The following ERG variants were observed in gnomAD, a reference collection of about 807,000 sequenced individuals.
ERG encodes the protein ETS transcription factor ERG.
In ERG, 9 loss-of-function variants were observed where a neutral mutation model predicts 55.3. The observed-to-expected ratio is 0.16, with a 90% CI of 0.10 to 0.28. The LOEUF (loss-of-function observed/expected upper bound fraction) is 0.28. Among genes scored for constraint, ERG ranks in the 10% least tolerant of loss-of-function variants. The pLI, the probability that ERG is intolerant of heterozygous loss-of-function variation, is 1.00. For missense variants in ERG, 434 were observed against 631.6 expected (o/e 0.69, Z 3.35); for synonymous variants, 223 against 237.3 (o/e 0.94, Z 0.55).
At chr21:38,601,661 C>T (rs1211261235) in intron 1 of ERG, among the ~76,000 whole-genome samples, 3 of 152,130 alleles carry the variant, frequency 2.0e-5, no homozygotes, top group African/African-American at 7.2e-5. Context: ...TGTTACACTC[C>T]AAGCACTCAC....
chr21:38,640,352 G>A (rs755301488), intron 1 of ERG, among the ~76,000 whole-genome samples: 4 of 152,136 alleles, frequency 2.6e-5, no homozygotes, highest in Non-Finnish European at 5.9e-5. Flanking sequence ...AGGAGATGGG[G>A]GAAGGGGGCA....
chr21:38,488,716 T>G lies in ERG; in HGVS notation c.18+9647A>C, dbSNP rs543463836. Among the ~76,000 whole-genome samples, 427 of 152,330 alleles carry G rather than the reference T, an allele frequency of 2.8e-3. 2 individuals are homozygous for G. The highest frequency in any genetic ancestry group is 9.7e-3 in the African/African-American group (403 of 41,564). On this transcript the variant is annotated intron_variant, in intron 1 of 9. Coordinates refer to ENST00000288319, the MANE Select transcript of ERG (RefSeq NM_182918.4). The stretch of plus-strand genomic sequence containing the variant: ...TTTCAACTAACCATAGAAAAGGCCT[T>G]CCATTGAATCTCAAAGAGACTTATT...
intron 2 of ERG, among the ~76,000 whole-genome samples, chr21:38,441,365 G>A (rs973934701): frequency 2.0e-5 from 3 of 152,110 alleles, no homozygotes; most frequent in Non-Finnish European, 2.9e-5. Context: ...AGTGGGCCTT[G>A]TCTAATCAGT....
At chr21:38,564,250 C>T (rs1174508438) in intron 2 of ERG, among the ~76,000 whole-genome samples, 1 of 151,648 alleles carries the variant, frequency 6.6e-6, no homozygotes, top group Non-Finnish European at 1.5e-5. Flanking sequence ...ATCTATTAAA[C>T]AAGCTATACA....
intron 1 of ERG, among the ~76,000 whole-genome samples, chr21:38,595,538 C>T (rs1057401351): frequency 2.0e-5 from 3 of 152,128 alleles, no homozygotes; most frequent in African/African-American, 7.2e-5. Flanking sequence ...AATGGAAGCC[C>T]GGGAGCTCTG....
At chr21:38,614,747 T>C (rs1226540400) in intron 1 of ERG, among the ~76,000 whole-genome samples, 1 of 152,200 alleles carries the variant, frequency 6.6e-6, no homozygotes, top group Non-Finnish European at 1.5e-5. Context: ...GGAAGGCCAA[T>C]TTATCTGATC....
intron 2 of ERG, among the ~76,000 whole-genome samples, chr21:38,431,033 A>G (rs1990181894): frequency 6.6e-6 from 1 of 152,234 alleles, no homozygotes; most frequent in African/African-American, 2.4e-5. Flanking sequence ...TGGCTTGTTG[A>G]GCTTCAAACA....
At chr21:38,545,642 G>A (rs565341737) in intron 2 of ERG, among the ~76,000 whole-genome samples, 1 of 152,332 alleles carries the variant, frequency 6.6e-6, no homozygotes, top group East Asian at 1.9e-4. Context: ...AATTGAGTCA[G>A]TACGGTGCTA....
chr21:38,447,468 A>G (rs2058902620), intron 1 of ERG, among the ~76,000 whole-genome samples: 1 of 149,560 alleles, frequency 6.7e-6, no homozygotes, highest in Non-Finnish European at 1.5e-5. Context: ...GCAAAATCAA[A>G]CTCATCAACA....
Position 38,381,786 on chromosome 21 carries a change from A to T in ERG, c.*1617T>A, listed in dbSNP as rs1987449275. 1 of 1,063,432 alleles carries T rather than the reference A, an allele frequency of 9.4e-7. No homozygotes were observed. The allele number at this position is 1,063,432 out of a possible 1,614,324, so 65.9% of individuals were successfully genotyped here. On this transcript the variant is annotated 3_prime_UTR_variant, in exon 10 of 10. Transcript: ENST00000288319. ...TTCCAGGCATAAATATGGAGGCTCCAATGTGAAACCCGGGGTCCTTCTGTT... is the reference window on the plus strand; with the variant it reads ...TTCCAGGCATAAATATGGAGGCTCCTATGTGAAACCCGGGGTCCTTCTGTT...
In ERG at chr21:38,551,100, CT is replaced by C. The variant is rs199610425; in HGVS notation, c.-41+24561del. ...GTTGTATGTTTCCATAAATTTATCC[CT>C]TTTTTTCTGGGTTTTCTAATTTTTG... is the stretch of plus-strand genomic sequence containing the variant. On this transcript the variant is annotated intron_variant, in intron 2 of 8. Transcript: ENST00000398897. 4.6e-3 allele frequency among the ~76,000 whole-genome samples: 690 copies of C among 151,306 alleles called. 6 individuals are homozygous for C. The highest frequency in any genetic ancestry group is 0.016 in the African/African-American group (649 of 41,364).
intron 2 of ERG, among the ~76,000 whole-genome samples, chr21:38,444,631 C>T (rs1200792747): frequency 5.3e-5 from 8 of 150,760 alleles, no homozygotes; most frequent in Admixed American, 4.6e-4. Flanking sequence ...TTTGGTAATA[C>T]ATTTTACGTG....
At chr21:38,625,469 A>G (rs1430431435) in intron 1 of ERG, among the ~76,000 whole-genome samples, 1 of 152,134 alleles carries the variant, frequency 6.6e-6, no homozygotes. Flanking sequence ...AATGCTACCC[A>G]CTTGGCCTCC....
chr21:38,601,172 C>A lies in ERG; in HGVS notation c.-149-16227G>T, dbSNP rs553192052. Among the ~76,000 whole-genome samples the A allele has an allele frequency of 4.6e-5, 7 of 152,252 alleles. No individual in the cohort carries two copies. The East Asian group carries it at 1.2e-3, about 25-fold the overall frequency. The stretch of plus-strand genomic sequence containing the variant: ...CGGTCAGTAGGACGCCTTCCCCCAA[C>A]AACTCAGATGACAGAGTCCACAACG... On this transcript the variant is annotated intron_variant, in intron 1 of 10. Coordinates refer to the ERG transcript ENST00000398910.
At chr21:38,406,612 C>T (rs971903020) in intron 3 of ERG, among the ~76,000 whole-genome samples, 2 of 152,040 alleles carry the variant, frequency 1.3e-5, no homozygotes, top group African/African-American at 4.8e-5. Context: ...GCGAAACCCA[C>T]CTTTTTGTTT....
chr21:38,444,769 C>T (rs1014470670), intron 2 of ERG, among the ~76,000 whole-genome samples: 2 of 151,266 alleles, frequency 1.3e-5, no homozygotes, highest in African/African-American at 2.4e-5. Context: ...AGAAGAGGAC[C>T]GCAGAGATCA....
At chr21:38,660,423 A>C (rs1288940441) in intron 1 of ERG, 1 of 152,382 alleles carries the variant, frequency 6.6e-6, no homozygotes, top group Non-Finnish European at 1.5e-5. Flanking sequence ...AGCCCTGCAG[A>C]GTGAGCCCCT....
intron 3 of ERG, 55 bp from the exon 4 acceptor site, chr21:38,403,764 T>C (rs769854739): frequency 5.8e-5 from 89 of 1,529,464 alleles, no homozygotes; most frequent in Non-Finnish European, 7.4e-5. Flanking sequence ...ATCTTCATCT[T>C]GGGGTAGATC....
chr21:38,376,123 T>C (rs1266490487), downstream of ERG, among the ~76,000 whole-genome samples: 14 of 152,222 alleles, frequency 9.2e-5, no homozygotes, highest in South Asian at 2.9e-3. Flanking sequence ...TTAGTGAACA[T>C]GGACCTGACA....
Sources: gnomAD v4.1 joint callset for allele counts (sites outside exome capture counted in the v4.1 genomes callset) on GRCh38, gnomAD v4.1.1 for gene constraint, MANE v1.5 for transcripts, NCBI Gene and HGNC (gene_info 2026-07-23, HGNC 2026-07-21) for gene names.